COL18A1: variants seen among roughly 807,000 people sequenced by gnomAD.
COL18A1 encodes the protein collagen alpha-1(XVIII) chain.
COL18A1 carries 133 observed loss-of-function variants against 168.0 expected under a neutral mutation model. The ratio of observed to expected loss-of-function variants is 0.79; its 90% confidence interval spans 0.69 to 0.91. The LOEUF (loss-of-function observed/expected upper bound fraction) is 0.91. Ranked by LOEUF, COL18A1 falls within the 40% of genes least tolerant of loss-of-function variation. COL18A1 has a pLI of 0.00. For synonymous variants in COL18A1, 949 were observed against 809.0 expected (o/e 1.17, Z -2.94); for missense variants, 2,126 against 1,925.4 (o/e 1.10, Z -1.95).
At chr21:45,405,763 G>C (rs34513968) in intron 2 of COL18A1, among the ~76,000 whole-genome samples, 14,330 of 150,992 alleles carry the variant, frequency 0.095, 739 homozygotes, top group Non-Finnish European at 0.1. Flanking sequence ...CGTCGGTGCC[G>C]GGAGGGCTCG....
intron 2 of COL18A1, among the ~76,000 whole-genome samples, chr21:45,418,899 C>T (rs551411562): frequency 6.6e-6 from 1 of 152,242 alleles, no homozygotes; most frequent in African/African-American, 2.4e-5. Flanking sequence ...CAGCCAGACC[C>T]CCCGGACGGC....
At chr21:45,510,570 A>G (rs888264821) in intron 40 of COL18A1, among the ~76,000 whole-genome samples, 4 of 150,896 alleles carry the variant, frequency 2.7e-5, no homozygotes, top group African/African-American at 9.7e-5. Context: ...CCAAGTGTCC[A>G]CACAGGTGAT....
chr21:45,438,641 G>A (rs909277662), intron 2 of COL18A1, among the ~76,000 whole-genome samples: 6 of 152,244 alleles, frequency 3.9e-5, no homozygotes, highest in African/African-American at 1.2e-4. Context: ...TAGAGGCTAA[G>A]ACCCCATTTG....
At chr21:45,501,560 G>T (rs941773766) in intron 32 of COL18A1, among the ~76,000 whole-genome samples, 24 of 152,262 alleles carry the variant, frequency 1.6e-4, no homozygotes, top group Non-Finnish European at 3.1e-4. Flanking sequence ...GAAACCCCTG[G>T]GAGCTTAGGT....
chr21:45,455,404 G>A lies in COL18A1; in HGVS notation c.107-12838G>A, dbSNP rs373836508. 1.5e-4 allele frequency: 203 copies of A among 1,360,960 alleles called. 2 individuals carry two copies. The African/African-American group carries it at 2.3e-3, about 16-fold the overall frequency. 84.3% of individuals were successfully genotyped at this position (1,360,960 alleles called of 1,614,324 possible). Reference sequence around the variant, plus strand: ...TTCTTTCCTTCTGCAAGAGTGGGGGGTGGAAGACAGCCGGCCAGAGGCTGG... The same window carrying A: ...TTCTTTCCTTCTGCAAGAGTGGGGGATGGAAGACAGCCGGCCAGAGGCTGG... On this transcript the variant is annotated intron_variant, in intron 2 of 41. Coordinates refer to ENST00000651438, the MANE Select transcript of COL18A1 (RefSeq NM_001379500.1).
chr21:45,490,772 C>T lies in COL18A1; in HGVS notation c.2032-64C>T, dbSNP rs1197196324. 1.3e-5 allele frequency: 19 copies of T among 1,514,046 alleles called. No individual in the cohort carries two copies. In the East Asian group the frequency reaches 4.7e-4, roughly 37 times the overall value. The allele number at this position is 1,514,046 out of a possible 1,614,324, so 93.8% of individuals were successfully genotyped here. The stretch of plus-strand genomic sequence containing the variant: ...CCCCACATCTTCATCAGAGCCATCC[C>T]TCACGGGGGGCCAGGGGCTCCTGTT... On this transcript the variant is annotated intron_variant, in intron 20 of 41. Coordinates refer to ENST00000651438, the MANE Select transcript of COL18A1 (RefSeq NM_001379500.1).
rs1225459875 is a variant in COL18A1 at position 45,473,175 on chromosome 21, CTCCTGTG to C, written c.652-715_652-709del. 6.6e-6 allele frequency among the ~76,000 whole-genome samples: 1 copy of C among 152,244 alleles called. No homozygotes were observed. Among genetic ancestry groups the C allele is most frequent in the East Asian group, 1.9e-4 (1 of 5,188 alleles). Reference sequence around the variant, plus strand: ...CGCTTGAGGCTTAGGACGTTGCGCCCTCCTGTGTCCTTGCCCAGCATCCCCGGCCTGC... The same window carrying C: ...CGCTTGAGGCTTAGGACGTTGCGCCCTCCTTGCCCAGCATCCCCGGCCTGC... On this transcript the variant is annotated intron_variant, in intron 3 of 41. Transcript: ENST00000651438. This position sits in a 1 kb window ranked among gnomAD's most constrained non-coding sequence, Gnocchi z 4.0.
At chr21:45,455,349 G>T in intron 2 of COL18A1, 4 of 790,214 alleles carry the variant, frequency 5.1e-6, no homozygotes, top group Non-Finnish European at 8.0e-6. Flanking sequence ...ACCCCCGGGT[G>T]CTGGGCACCT....
intron 32 of COL18A1, among the ~76,000 whole-genome samples, chr21:45,500,565 TGTG>T (rs1261850610): frequency 6.3e-5 from 2 of 31,554 alleles, no homozygotes; most frequent in Non-Finnish European, 1.1e-4. Flanking sequence ...GGGTGTGTAG[TGTG>T]GGGGTGTGGT....
At chr21:45,504,374 A>G (rs745862494) in intron 33 of COL18A1, 42 bp from the exon 34 acceptor site, 3 of 1,592,422 alleles carry the variant, frequency 1.9e-6, no homozygotes, top group South Asian at 2.3e-5. Flanking sequence ...TGTGGCTTGT[A>G]GGGGTTCAGG....
chr21:45,503,648 AGG>A (rs1399435227), intron 32 of COL18A1, among the ~76,000 whole-genome samples: 2 of 56,296 alleles, frequency 3.6e-5, no homozygotes, highest in Non-Finnish European at 6.4e-5. Flanking sequence ...GGGTGGGGGG[AGG>A]GGGGAGGGAT....
chr21:45,491,459 G>A (rs1004912608), intron 22 of COL18A1, 145 bp downstream of exon 22: 23 of 415,852 alleles, frequency 5.5e-5, no homozygotes, highest in African/African-American at 1.2e-4. Context: ...CTCCTCGGTG[G>A]GGGCTGCAGA....
chr21:45,412,888 C>T (rs964707828), intron 2 of COL18A1, among the ~76,000 whole-genome samples: 3 of 152,208 alleles, frequency 2.0e-5, no homozygotes, highest in Non-Finnish European at 2.9e-5. Context: ...TCCTCTTTGC[C>T]CTCATGGGTG....
intron 3 of COL18A1, among the ~76,000 whole-genome samples, chr21:45,470,583 T>C (rs1417147174): frequency 1.3e-5 from 2 of 151,288 alleles, no homozygotes; most frequent in African/African-American, 4.9e-5. Context: ...GCCTCCCAGG[T>C]TCATGCGATT....
intron 2 of COL18A1, among the ~76,000 whole-genome samples, chr21:45,431,037 AGGCACTGGTCTCTT>A: frequency 6.6e-6 from 1 of 152,334 alleles, no homozygotes; most frequent in Middle Eastern, 3.4e-3. Flanking sequence ...GTTCTCAGGC[AGGCACTGGTCTCTT>A]GGCTTCCAGG....
chr21:45,448,272 C>T (rs1045439055), intron 2 of COL18A1, among the ~76,000 whole-genome samples: 4 of 150,756 alleles, frequency 2.7e-5, no homozygotes, highest in Non-Finnish European at 5.9e-5. Context: ...CCCTTTCTCT[C>T]CATCTGTGTC....
At chr21:45,411,447 G>T (rs1183563592) in intron 2 of COL18A1, among the ~76,000 whole-genome samples, 2 of 152,050 alleles carry the variant, frequency 1.3e-5, no homozygotes, top group Non-Finnish European at 2.9e-5. Context: ...GTGCATTTTT[G>T]AGCACCTTCT....
chr21:45,490,902 TGG>T, intron 21 of COL18A1, 31 bp downstream of exon 21: 1 of 1,537,812 alleles, frequency 6.5e-7, no homozygotes, highest in Non-Finnish European at 8.8e-7. Context: ...TGGATGGGGA[TGG>T]GGGGCGCTGG....
chr21:45,465,561 T>TA (rs1049552878), intron 2 of COL18A1, among the ~76,000 whole-genome samples: 9 of 152,196 alleles, frequency 5.9e-5, no homozygotes, highest in African/African-American at 2.2e-4. Flanking sequence ...GTGTGAGTCT[T>TA]ACTGAGGTGG....
Sources: allele counts gnomAD v4.1 joint callset (sites outside exome capture counted in the v4.1 genomes callset), GRCh38; gene constraint gnomAD v4.1.1; non-coding constraint Gnocchi (gnomAD v3.1); transcripts MANE v1.5; gene names NCBI Gene and HGNC (gene_info 2026-07-23, HGNC 2026-07-21).